The following BANP variants were observed in gnomAD, a reference collection of about 807,000 sequenced individuals.
BANP encodes BTG3 associated nuclear protein.
In BANP, 11 loss-of-function variants were observed where a neutral mutation model predicts 68.1. The ratio of observed to expected loss-of-function variants is 0.16; its 90% CI spans 0.10 to 0.27. The LOEUF is 0.27. BANP is among the 10% of genes least tolerant of loss of function. The pLI, the probability that BANP is intolerant of heterozygous loss-of-function variation, is 1.00. For missense variants in BANP, 504 were observed against 722.7 expected (o/e 0.70, Z 3.47); for synonymous variants, 329 against 303.2 (o/e 1.09, Z -0.88).
intron 5 of BANP, among the ~76,000 whole-genome samples, chr16:88,005,281 G>A (rs960080051): frequency 2.0e-5 from 3 of 152,190 alleles, no homozygotes; most frequent in African/African-American, 7.2e-5. Flanking sequence ...CAGGTTCAGC[G>A]TGGACAGCGC....
chr16:88,009,944 T>C (rs555873612), intron 6 of BANP, among the ~76,000 whole-genome samples: 3 of 152,108 alleles, frequency 2.0e-5, no homozygotes, highest in Admixed American at 2.0e-4. Context: ...CTGTGTCTCA[T>C]TGGAATAAGA....
At chr16:88,027,841 G>A (rs890694165) in intron 8 of BANP, among the ~76,000 whole-genome samples, 191 bp downstream of exon 8, 19 of 152,246 alleles carry the variant, frequency 1.2e-4, no homozygotes, top group Non-Finnish European at 2.2e-4. Context: ...CCCTTCACAC[G>A]GACAGCCTCG....
intron 11 of BANP, among the ~76,000 whole-genome samples, chr16:88,040,271 T>TC (rs539908010): frequency 0.031 from 4,075 of 132,536 alleles, 92 homozygotes; most frequent in Middle Eastern, 0.07. Context: ...TTTTTTTTTT[T>TC]CCATCATTTG....
intron 1 of BANP, among the ~76,000 whole-genome samples, chr16:87,956,254 A>C (rs564057214): frequency 6.6e-6 from 1 of 152,358 alleles, no homozygotes; most frequent in South Asian, 2.1e-4. Context: ...CAATCTAGAG[A>C]AACTAAACAT....
rs539712062 is a variant in BANP at position 88,004,897 on chromosome 16, C to T, written c.479+486C>T. On this transcript the variant is annotated intron_variant, in intron 5 of 13. Coordinates refer to ENST00000682872, the MANE Select transcript of BANP (RefSeq NM_001386991.1). The surrounding 1 kb of genome is among the most constrained non-coding windows in gnomAD (Gnocchi z 7.0). ...AGAGGTGGGAGTGGACAGAAGACAC[C>T]GTCCCCGCTCTGTGTGAGGGGAAGG... Among the ~76,000 whole-genome samples, 23 of 152,244 alleles carry T rather than the reference C, an allele frequency of 1.5e-4. No homozygotes were observed. The highest frequency in any genetic ancestry group is 5.1e-4 in the African/African-American group (21 of 41,552).
intron 11 of BANP, among the ~76,000 whole-genome samples, chr16:88,048,008 G>T (rs903518898): frequency 3.3e-5 from 5 of 152,264 alleles, no homozygotes; most frequent in Admixed American, 2.0e-4. Context: ...CAGGAAAGCT[G>T]ATGGGTGATG....
At chr16:87,951,995 C>T (rs1397275463) in intron 1 of BANP, among the ~76,000 whole-genome samples, 1 of 149,494 alleles carries the variant, frequency 6.7e-6, no homozygotes, top group Non-Finnish European at 1.5e-5. Flanking sequence ...GACCGGAGCC[C>T]CATAGCCCAG....
rs1050159981 is a variant in BANP at position 88,004,014 on chromosome 16, C to T, written c.363-281C>T. ...TGTCACAAGTTCAGCATCCTCAGCC[C>T]AGCTGTCCTGTGCTATCCAGTTGTG... On this transcript the variant is annotated intron_variant, in intron 4 of 13. Transcript: ENST00000682872. The surrounding 1 kb of genome is among the most constrained non-coding windows in gnomAD (Gnocchi z 7.0). The T allele has an allele frequency of 5.8e-5, 22 of 381,042 alleles. No homozygotes were observed. The highest frequency in any genetic ancestry group is 9.3e-5 in the Non-Finnish European group (19 of 203,710). The allele number at this position is 381,042 out of a possible 1,614,324, so 23.6% of individuals were successfully genotyped here.
chr16:88,015,088 G>T (rs1439067878), intron 6 of BANP, among the ~76,000 whole-genome samples: 1 of 135,246 alleles, frequency 7.4e-6, no homozygotes, highest in African/African-American at 2.8e-5. Context: ...TCCTCTGCCT[G>T]TCCCCTCTGC....
chr16:87,971,768 A>T (rs1266259055), intron 1 of BANP, among the ~76,000 whole-genome samples: 1 of 151,816 alleles, frequency 6.6e-6, no homozygotes, highest in Non-Finnish European at 1.5e-5. Context: ...CTTGAATTAC[A>T]GTTTTTGGTA....
chr16:88,059,576 C>G (rs529909534), intron 11 of BANP, among the ~76,000 whole-genome samples: 1 of 152,108 alleles, frequency 6.6e-6, no homozygotes, highest in Admixed American at 6.6e-5. Flanking sequence ...ATACCATCTT[C>G]GGCAGAATGA....
chr16:88,070,299 C>T (rs867644281), intron 12 of BANP, among the ~76,000 whole-genome samples: 4 of 152,120 alleles, frequency 2.6e-5, no homozygotes, highest in Admixed American at 2.6e-4. Flanking sequence ...GCCAGCTGCA[C>T]AATGAATTAA....
At chr16:88,069,953 C>A (rs754481816) in intron 12 of BANP, among the ~76,000 whole-genome samples, 1 of 152,144 alleles carries the variant, frequency 6.6e-6, no homozygotes, top group African/African-American at 2.4e-5. Context: ...CTCTCCTGTT[C>A]CTCCTCTTCC....
At chr16:87,964,719 G>C (rs1388561882) in intron 1 of BANP, among the ~76,000 whole-genome samples, 3 of 151,998 alleles carry the variant, frequency 2.0e-5, no homozygotes, top group Non-Finnish European at 4.4e-5. Context: ...CCGTATGTGA[G>C]CAGGTCTGAG....
chr16:87,988,020 T>C (rs1357338036), intron 4 of BANP, among the ~76,000 whole-genome samples: 1 of 152,122 alleles, frequency 6.6e-6, no homozygotes, highest in African/African-American at 2.4e-5. Flanking sequence ...AAATAAAAAT[T>C]GCCAACAGTT....
At chr16:88,072,879 C>T (rs2090701291) in intron 13 of BANP, among the ~76,000 whole-genome samples, 1 of 152,220 alleles carries the variant, frequency 6.6e-6, no homozygotes, top group Non-Finnish European at 1.5e-5. Flanking sequence ...GGAACGTGCC[C>T]AGCGGGGACG....
At chr16:88,060,046 G>A (rs1054063292) in intron 11 of BANP, among the ~76,000 whole-genome samples, 5 of 152,254 alleles carry the variant, frequency 3.3e-5, no homozygotes, top group African/African-American at 1.2e-4. Context: ...TTCCTCTGAA[G>A]ATGGCAGGTG....
At chr16:87,983,953 C>G in intron 3 of BANP, 107 bp from the exon 4 acceptor site, 1 of 1,424,392 alleles carries the variant, frequency 7.0e-7, no homozygotes, top group Non-Finnish European at 9.4e-7. Context: ...ATTGTTCTGT[C>G]TGAATAGATA....
intron 5 of BANP, among the ~76,000 whole-genome samples, chr16:88,005,762 A>G (rs535376329): frequency 8.5e-4 from 130 of 152,348 alleles, no homozygotes; most frequent in Non-Finnish European, 1.4e-3. Context: ...TCGCCGGAAA[A>G]AAGACTCTTA....
Sources: allele counts gnomAD v4.1 joint callset (sites outside exome capture counted in the v4.1 genomes callset), GRCh38; gene constraint gnomAD v4.1.1; non-coding constraint Gnocchi (gnomAD v3.1); transcripts MANE v1.5; gene names NCBI Gene and HGNC (gene_info 2026-07-23, HGNC 2026-07-21).